The following KCNK13 variants were observed in gnomAD, a reference collection of about 807,000 sequenced individuals.
KCNK13 encodes the protein potassium two pore domain channel subfamily K member 13.
KCNK13 carries 12 observed loss-of-function variants against 23.4 expected under a neutral mutation model. The ratio of observed to expected loss-of-function variants is 0.51; its 90% CI spans 0.33 to 0.83. The LOEUF is 0.83. Among genes scored for constraint, KCNK13 ranks in the 40% least tolerant of loss-of-function variants. The pLI is 0.02. For synonymous variants in KCNK13, 231 were observed against 229.5 expected (o/e 1.01, Z -0.06); for missense variants, 463 against 556.3 (o/e 0.83, Z 1.69).
rs1398056615 is a variant in KCNK13, at chr14:90,141,807, G to A, written c.335-42304G>A. 3.5e-5 allele frequency among the ~76,000 whole-genome samples: 5 copies of A among 141,054 alleles called. No homozygotes were observed. In the Admixed American group the frequency reaches 3.6e-4, roughly 10 times the overall value. The allele number at this position is 141,054 out of a possible 152,430, so 92.5% of individuals were successfully genotyped here. On this transcript the variant is annotated intron_variant, in intron 1 of 1. Coordinates refer to ENST00000282146, the MANE Select transcript of KCNK13 (RefSeq NM_022054.4). ...TGTTTTGTTTTTTGGGGGGGGGGAC[G>A]GAGCCTTGCTCTGTCACCCAGGTGG...
chr14:90,068,363 G>A (rs760843782), intron 1 of KCNK13, among the ~76,000 whole-genome samples: 3 of 152,130 alleles, frequency 2.0e-5, no homozygotes, highest in Non-Finnish European at 4.4e-5. Flanking sequence ...GGGAGGGGGA[G>A]GTGGGTGGAT....
intron 1 of KCNK13, among the ~76,000 whole-genome samples, chr14:90,094,644 TC>T (rs372055968): frequency 7.1e-6 from 1 of 141,840 alleles, no homozygotes; most frequent in Non-Finnish European, 1.5e-5. Flanking sequence ...TTCTTTTTTT[TC>T]TTTTTTTTTT....
At chr14:90,139,874 A>G (rs1329527778) in intron 1 of KCNK13, among the ~76,000 whole-genome samples, 1 of 152,138 alleles carries the variant, frequency 6.6e-6, no homozygotes, top group Non-Finnish European at 1.5e-5. Flanking sequence ...AACCATGAGA[A>G]TCGCTTGAAC....
At chr14:90,155,805 C>G (rs1427174407) in intron 1 of KCNK13, among the ~76,000 whole-genome samples, 1 of 152,024 alleles carries the variant, frequency 6.6e-6, no homozygotes, top group Non-Finnish European at 1.5e-5. Context: ...CATTTTGGAC[C>G]TGTTAATTTG....
chr14:90,066,936 T>C (rs2140386495), intron 1 of KCNK13, among the ~76,000 whole-genome samples: 1 of 152,094 alleles, frequency 6.6e-6, no homozygotes, highest in Non-Finnish European at 1.5e-5. Flanking sequence ...ATTAACCAAA[T>C]GTGGGCTACA....
chr14:90,137,630 T>C (rs1889954537), intron 1 of KCNK13, among the ~76,000 whole-genome samples: 1 of 152,194 alleles, frequency 6.6e-6, no homozygotes, highest in African/African-American at 2.4e-5. Flanking sequence ...CCCAGTCTTG[T>C]TTTAAAATGA....
At chr14:90,144,285 C>G (rs998254686) in intron 1 of KCNK13, among the ~76,000 whole-genome samples, 5 of 152,084 alleles carry the variant, frequency 3.3e-5, no homozygotes, top group Non-Finnish European at 7.4e-5. Flanking sequence ...TCAAATTTCC[C>G]TAAGTATTTC....
At chr14:90,121,186 A>C (rs1309340447) in intron 1 of KCNK13, among the ~76,000 whole-genome samples, 1 of 152,240 alleles carries the variant, frequency 6.6e-6, no homozygotes, top group Non-Finnish European at 1.5e-5. Context: ...AGCATGCTGC[A>C]AAGAATAAGA....
At chr14:90,149,765 A>C (rs1376481536) in intron 1 of KCNK13, among the ~76,000 whole-genome samples, 1 of 152,216 alleles carries the variant, frequency 6.6e-6, no homozygotes, top group African/African-American at 2.4e-5. Flanking sequence ...GGTCATGGTG[A>C]TGGAAAGAAG....
At chr14:90,150,756 G>T (rs764220453) in intron 1 of KCNK13, among the ~76,000 whole-genome samples, 12 of 152,324 alleles carry the variant, frequency 7.9e-5, no homozygotes, top group Middle Eastern at 3.4e-3. Flanking sequence ...TTGGTGGGAG[G>T]TGATTGGATC....
chr14:90,083,820 G>A (rs1193745145), intron 1 of KCNK13, among the ~76,000 whole-genome samples: 1 of 152,196 alleles, frequency 6.6e-6, no homozygotes, highest in Non-Finnish European at 1.5e-5. Flanking sequence ...GACTAAGACA[G>A]GATCCAACTT....
intron 1 of KCNK13, among the ~76,000 whole-genome samples, chr14:90,110,479 C>CA (rs1472706476): frequency 1.4e-3 from 162 of 116,626 alleles, no homozygotes; most frequent in African/African-American, 5.0e-3. Context: ...GTCTTCGTCT[C>CA]AAAAAAGAAA....
At chr14:90,164,605 G>A (rs896398271) in intron 1 of KCNK13, among the ~76,000 whole-genome samples, 1 of 152,198 alleles carries the variant, frequency 6.6e-6, no homozygotes, top group Non-Finnish European at 1.5e-5. Flanking sequence ...GGAGTTTGTA[G>A]GTTAATGCAG....
chr14:90,119,067 A>G (rs1366955761), intron 1 of KCNK13, among the ~76,000 whole-genome samples: 1 of 152,198 alleles, frequency 6.6e-6, no homozygotes, highest in Admixed American at 6.5e-5. Context: ...TCCTGGACAC[A>G]TACATCCTCC....
chr14:90,148,950 T>A (rs1890104239), intron 1 of KCNK13, among the ~76,000 whole-genome samples: 1 of 152,202 alleles, frequency 6.6e-6, no homozygotes, highest in Non-Finnish European at 1.5e-5. Flanking sequence ...TAACATCCAG[T>A]TGTGCCTCCC....
At chr14:90,171,211 A>T (rs1234912942) in intron 1 of KCNK13, among the ~76,000 whole-genome samples, 2 of 152,268 alleles carry the variant, frequency 1.3e-5, no homozygotes, top group East Asian at 3.9e-4. Flanking sequence ...TAGGGCTGAG[A>T]CTGCTAAGCA....
intron 1 of KCNK13, among the ~76,000 whole-genome samples, chr14:90,159,636 G>A (rs1203920507): frequency 6.6e-6 from 1 of 152,222 alleles, no homozygotes; most frequent in African/African-American, 2.4e-5. Context: ...CCTCCCCTTA[G>A]AAGGGCAAAC....
In KCNK13 at chr14:90,156,291, G is replaced by A. The variant is rs370982219; in HGVS notation, c.335-27820G>A. Among the ~76,000 whole-genome samples, 4 of 151,888 alleles carry A rather than the reference G, an allele frequency of 2.6e-5. No individual in the cohort carries two copies. In the East Asian group the frequency reaches 5.8e-4, roughly 22 times the overall value. On this transcript the variant is annotated intron_variant, in intron 1 of 1. Coordinates refer to ENST00000282146, the MANE Select transcript of KCNK13 (RefSeq NM_022054.4). ...TGATATCATCAAGGGAACGAACAGA[G>A]AGAGTGGAGAAGAGGCCCCAGGACT...
chr14:90,094,439 C>A (rs917191877), intron 1 of KCNK13, among the ~76,000 whole-genome samples: 3 of 152,074 alleles, frequency 2.0e-5, no homozygotes, highest in African/African-American at 4.8e-5. Context: ...GAGTTAACTT[C>A]AGAGTATGGA....
Sources: gnomAD v4.1 joint callset for allele counts (sites outside exome capture counted in the v4.1 genomes callset) on GRCh38, gnomAD v4.1.1 for gene constraint, MANE v1.5 for transcripts, NCBI Gene and HGNC (gene_info 2026-07-23, HGNC 2026-07-21) for gene names.